Variants in SMYD3 observed in about 807,000 individuals in gnomAD.
SMYD3 encodes SET and MYND domain containing 3.
A neutral mutation model predicts 57.7 loss-of-function variants in SMYD3; 36 were observed. That is an observed-to-expected ratio of 0.62 (90% CI 0.48 to 0.82). SMYD3 has a LOEUF of 0.82. SMYD3 is among the 40% of genes least tolerant of loss of function. The probability of loss-of-function intolerance (pLI) is 0.00; values close to 1 mark genes in which losing one functional copy is unlikely to be tolerated. For missense variants in SMYD3, 515 were observed against 538.8 expected, an observed-to-expected ratio of 0.96 and a Z score of 0.44; for synonymous variants, 211 against 195.0, an observed-to-expected ratio of 1.08 and a Z score of -0.68.
intron 5 of SMYD3, among the ~76,000 whole-genome samples, chr1:246,059,218 A>G (rs2060208495): frequency 6.6e-6 from 1 of 152,218 alleles, no homozygotes; most frequent in Non-Finnish European, 1.5e-5. Context: ...CACCAGCGGT[A>G]AAAGTAAACG....
At chr1:246,008,168 C>CAAG (rs1159397174) in intron 5 of SMYD3, among the ~76,000 whole-genome samples, 1 of 152,170 alleles carries the variant, frequency 6.6e-6, no homozygotes, top group Non-Finnish European at 1.5e-5. Flanking sequence ...GTAAACAGGG[C>CAAG]AAGAATGGAA....
chr1:245,785,726 G>A (rs540819823), intron 10 of SMYD3, among the ~76,000 whole-genome samples: 1 of 152,176 alleles, frequency 6.6e-6, no homozygotes, highest in African/African-American at 2.4e-5. Context: ...AGGCAGACAA[G>A]GTCTTGCTCT....
At chr1:245,871,521 G>A (rs2052191101) in intron 8 of SMYD3, among the ~76,000 whole-genome samples, 1 of 152,172 alleles carries the variant, frequency 6.6e-6, no homozygotes, top group African/African-American at 2.4e-5. Context: ...AGGAAGGAAT[G>A]TTCTCAGGTT....
At chr1:245,977,708 A>G (rs954181088) in intron 5 of SMYD3, among the ~76,000 whole-genome samples, 3 of 152,154 alleles carry the variant, frequency 2.0e-5, no homozygotes, top group African/African-American at 7.2e-5. Flanking sequence ...CCCAAAACTT[A>G]AAAGATTCTC....
chr1:245,834,266 C>A (rs903274336), intron 10 of SMYD3, among the ~76,000 whole-genome samples: 7 of 152,216 alleles, frequency 4.6e-5, no homozygotes, highest in African/African-American at 1.4e-4. Flanking sequence ...CTCTCATACA[C>A]CCCTGGGAAG....
At position 246,312,983 on chromosome 1, in the gene SMYD3, C is replaced by T. The variant is rs544764685; in HGVS notation, c.531+14218G>A. Among the ~76,000 whole-genome samples, 546 of 152,202 alleles carry T rather than the reference C, an allele frequency of 3.6e-3. 1 individual carries two copies. Among genetic ancestry groups the T allele is most frequent in the African/African-American group, 0.012 (495 of 41,512 alleles). On this transcript the variant is annotated intron_variant, in intron 5 of 11. Coordinates refer to ENST00000490107, the MANE Select transcript of SMYD3 (RefSeq NM_001167740.2). ...AGGCTGCAATGCAGTGGCACGTTCT[C>T]GGCTCACTGCAACCTCTACCTCCCA...
intron 1 of SMYD3, among the ~76,000 whole-genome samples, chr1:246,421,857 G>A (rs1048961275): frequency 2.6e-5 from 4 of 152,214 alleles, no homozygotes; most frequent in Non-Finnish European, 4.4e-5. Flanking sequence ...AGAGCGCCAA[G>A]AGCAGAAGAT....
chr1:245,759,453 G>T (rs750625970), intron 11 of SMYD3, among the ~76,000 whole-genome samples: 13 of 130,964 alleles, frequency 9.9e-5, no homozygotes, highest in Non-Finnish European at 1.8e-4. Flanking sequence ...TATACAAAAG[G>T]TTGTGTATAT....
chr1:246,000,602 C>T (rs2059021334), intron 5 of SMYD3, among the ~76,000 whole-genome samples: 1 of 152,126 alleles, frequency 6.6e-6, no homozygotes, highest in African/African-American at 2.4e-5. Flanking sequence ...TCTGTTTCCC[C>T]CTCCCCTGGA....
In SMYD3 at chr1:246,384,586, A is replaced by G. The variant is rs546278558; in HGVS notation, c.165-29492T>C. Among the ~76,000 whole-genome samples, 25 of 152,194 alleles carry G rather than the reference A, an allele frequency of 1.6e-4. No individual in the cohort carries two copies. The South Asian group carries it at 2.3e-3, about 14-fold the overall frequency. On this transcript the variant is annotated intron_variant, in intron 1 of 11. Coordinates refer to ENST00000490107, the MANE Select transcript of SMYD3 (RefSeq NM_001167740.2). Reference sequence around the variant, plus strand: ...AATTTTTTGTATTCTTAGTAGAGACAAGGTTTCACCATGTTGGCCAGGCTG... The same window carrying G: ...AATTTTTTGTATTCTTAGTAGAGACGAGGTTTCACCATGTTGGCCAGGCTG...
intron 5 of SMYD3, 39 bp downstream of exon 5, chr1:246,327,162 T>TGA: frequency 1.2e-6 from 2 of 1,610,930 alleles, no homozygotes; most frequent in Non-Finnish European, 1.7e-6. Context: ...AGCAAATGGT[T>TGA]GATGTATGGA....
At chr1:246,194,766 G>C (rs2062804808) in intron 5 of SMYD3, among the ~76,000 whole-genome samples, 1 of 152,202 alleles carries the variant, frequency 6.6e-6, no homozygotes, top group Non-Finnish European at 1.5e-5. Flanking sequence ...AACGGCTACT[G>C]ATTGCCATAT....
At chr1:246,150,755 A>C (rs749800765) in intron 5 of SMYD3, among the ~76,000 whole-genome samples, 3 of 152,206 alleles carry the variant, frequency 2.0e-5, no homozygotes, top group Non-Finnish European at 4.4e-5. Flanking sequence ...ACAGGGAAGG[A>C]GACAAAACCA....
chr1:245,942,482 A>T (rs1197064788), intron 5 of SMYD3, among the ~76,000 whole-genome samples: 4 of 152,252 alleles, frequency 2.6e-5, no homozygotes, highest in Admixed American at 2.6e-4. Flanking sequence ...TCATAAAACA[A>T]GTTCTTAGAG....
chr1:246,368,090 C>A (rs1464017421), intron 1 of SMYD3, among the ~76,000 whole-genome samples: 1 of 152,160 alleles, frequency 6.6e-6, no homozygotes, highest in Non-Finnish European at 1.5e-5. Context: ...ACAGCCTAAG[C>A]TACTGAAATG....
At chr1:245,959,256 C>T (rs1366798265) in intron 5 of SMYD3, among the ~76,000 whole-genome samples, 1 of 152,176 alleles carries the variant, frequency 6.6e-6, no homozygotes, top group African/African-American at 2.4e-5. Context: ...GCCACCATGC[C>T]CGGCCAAGAG....
rs2103044278 is a variant in SMYD3 at position 246,466,575 on chromosome 1, T to C, written c.164+40479A>G. The stretch of plus-strand genomic sequence containing the variant: ...AGGATCAGGAAATATAACTGTTGGA[T>C]ACTAGACTTAATATGTGGATGACAA... On this transcript the variant is annotated intron_variant, in intron 1 of 11. Coordinates refer to ENST00000490107, the MANE Select transcript of SMYD3 (RefSeq NM_001167740.2). Among the ~76,000 whole-genome samples the C allele has an allele frequency of 2.0e-5, 3 of 152,308 alleles. No individual in the cohort carries two copies. In the South Asian group the frequency reaches 6.2e-4, roughly 32 times the overall value.
intron 8 of SMYD3, among the ~76,000 whole-genome samples, chr1:245,909,475 C>T (rs1181287128): frequency 1.3e-5 from 2 of 152,156 alleles, no homozygotes; most frequent in East Asian, 3.9e-4. Flanking sequence ...TTATGTAAAA[C>T]CAGCATTACC....
chr1:246,005,726 C>T (rs1326214956), intron 5 of SMYD3, among the ~76,000 whole-genome samples: 1 of 152,156 alleles, frequency 6.6e-6, no homozygotes, highest in Non-Finnish European at 1.5e-5. Context: ...CTCTCACAAA[C>T]AGAGAATCCT....
Sources: gnomAD v4.1 joint callset for allele counts (sites outside exome capture counted in the v4.1 genomes callset) on GRCh38, gnomAD v4.1.1 for gene constraint, MANE v1.5 for transcripts, NCBI Gene and HGNC (gene_info 2026-07-23, HGNC 2026-07-21) for gene names.